FAM20C: variants seen among roughly 807,000 people sequenced by gnomAD.
FAM20C encodes extracellular serine/threonine protein kinase FAM20C.
FAM20C carries 40 observed loss-of-function variants against 51.5 expected under a neutral mutation model. The observed-to-expected ratio is 0.78, with a 90% CI of 0.60 to 1.01. The LOEUF is 1.01. FAM20C is among the 50% of genes least tolerant of loss of function. FAM20C has a pLI of 0.00. For synonymous variants in FAM20C, 406 were observed against 380.6 expected, an observed-to-expected ratio of 1.07 and a Z score of -0.78; for missense variants, 861 against 844.7, an observed-to-expected ratio of 1.02 and a Z score of -0.24.
intron 3 of FAM20C, among the ~76,000 whole-genome samples, chr7:223,007 C>T (rs1583308145): frequency 6.6e-6 from 1 of 151,040 alleles, no homozygotes; most frequent in African/African-American, 2.4e-5. Flanking sequence ...GTGTGGGCAT[C>T]TGTACGTGTG....
intron 2 of FAM20C, among the ~76,000 whole-genome samples, chr7:199,434 G>A (rs1786030504): frequency 6.6e-6 from 1 of 152,260 alleles, no homozygotes; most frequent in South Asian, 2.1e-4. Context: ...TCCGAGATTA[G>A]CACCTGCGTG....
chr7:199,038 G>A (rs1340722831), intron 2 of FAM20C, among the ~76,000 whole-genome samples: 1 of 152,240 alleles, frequency 6.6e-6, no homozygotes, highest in Admixed American at 6.5e-5. Context: ...GCTGCTCCAT[G>A]TCCAGGTCCA....
chr7:206,306 G>A (rs910167315), intron 2 of FAM20C, among the ~76,000 whole-genome samples: 1 of 152,160 alleles, frequency 6.6e-6, no homozygotes, highest in Admixed American at 6.5e-5. Flanking sequence ...AGTGTCCACC[G>A]TTGGCTCCAG....
In FAM20C at chr7:223,685, G is replaced by A. The variant is rs560743223; in HGVS notation, c.863+14709G>A. The stretch of plus-strand genomic sequence containing the variant: ...GGGTCAGCCTGCAGCTGCAGTCACA[G>A]GGAGGGGCCCTTACGCGGATGCCGC... On this transcript the variant is annotated intron_variant, in intron 3 of 9. Coordinates refer to ENST00000313766, the MANE Select transcript of FAM20C (RefSeq NM_020223.4). Among the ~76,000 whole-genome samples, 12 of 152,380 alleles carry A rather than the reference G, an allele frequency of 7.9e-5. No individual in the cohort carries two copies. The South Asian group carries it at 1.2e-3, about 16-fold the overall frequency.
In FAM20C at chr7:259,857, G is replaced by A; in HGVS notation, c.1632G>A (p.Glu544=). 6.5e-7 allele frequency: 1 copy of A among 1,536,474 alleles called. No homozygotes were observed. The highest frequency in any genetic ancestry group is 1.4e-5 in the African/African-American group (1 of 73,184). Residue 544 remains glutamate, a synonymous_variant, in exon 10 of 10, where the codon GAG becomes GAA. Transcript: ENST00000313766. ...CCGTGCTGTACCAGCCGCACCTGGA[G>A]GCCCTGGACCGGCGGCTCCGCGTCG... ...VAPVLYQPHL[E]ALDRRLRVVL...
intron 3 of FAM20C, among the ~76,000 whole-genome samples, chr7:240,608 A>G (rs1401759673): frequency 6.6e-6 from 1 of 152,088 alleles, no homozygotes; most frequent in African/African-American, 2.4e-5. Context: ...CTGCAGATAG[A>G]TCTAGACTTC....
intron 3 of FAM20C, among the ~76,000 whole-genome samples, chr7:230,316 G>A (rs1053277359): frequency 4.2e-5 from 6 of 143,126 alleles, no homozygotes; most frequent in African/African-American, 1.0e-4. Flanking sequence ...GAGTCTCCAC[G>A]GGGAGCTCAG....
At chr7:240,651 T>C (rs1787918414) in intron 3 of FAM20C, among the ~76,000 whole-genome samples, 1 of 152,190 alleles carries the variant, frequency 6.6e-6, no homozygotes, top group Non-Finnish European at 1.5e-5. Flanking sequence ...TCCTCATTCA[T>C]TCATTTGTTT....
intron 3 of FAM20C, among the ~76,000 whole-genome samples, chr7:244,101 A>AT (rs1208221849): frequency 6.6e-6 from 1 of 151,748 alleles, no homozygotes; most frequent in African/African-American, 2.4e-5. Flanking sequence ...CGCCCAGCTG[A>AT]TTTTTTTATT....
rs1257732346 is a variant in FAM20C at position 193,192 on chromosome 7, G to A, written c.-8G>A. On this transcript the variant is annotated 5_prime_UTR_variant, in exon 1 of 10. Coordinates refer to ENST00000313766, the MANE Select transcript of FAM20C (RefSeq NM_020223.4). ...ACGCGCTCCAGGCCCGGGCCGGCCCGCGCGGCCATGAAGATGATGCTGGTG... is the reference window on the plus strand; with the variant it reads ...ACGCGCTCCAGGCCCGGGCCGGCCCACGCGGCCATGAAGATGATGCTGGTG... The A allele has an allele frequency of 2.1e-6, 3 of 1,452,276 alleles. No homozygotes were observed. Among genetic ancestry groups the A allele is most frequent in the South Asian group, 1.2e-5 (1 of 81,518 alleles). The allele number at this position is 1,452,276 out of a possible 1,614,324, so 90.0% of individuals were successfully genotyped here.
At chr7:246,572 C>A in intron 4 of FAM20C, 65 bp downstream of exon 4, 1 of 1,221,034 alleles carries the variant, frequency 8.2e-7, no homozygotes, top group Non-Finnish European at 1.1e-6. Context: ...TGAGTGAGGC[C>A]GTCCTGCACT....
chr7:213,314 T>A (rs1339887542), intron 3 of FAM20C, among the ~76,000 whole-genome samples: 1 of 152,120 alleles, frequency 6.6e-6, no homozygotes, highest in Non-Finnish European at 1.5e-5. Flanking sequence ...TGGTCCTTTG[T>A]GAGTGACACG....
At chr7:244,391 AC>A (rs759008198) in intron 3 of FAM20C, among the ~76,000 whole-genome samples, 2 of 151,902 alleles carry the variant, frequency 1.3e-5, no homozygotes, top group Non-Finnish European at 2.9e-5. Flanking sequence ...AGAATTTACC[AC>A]CCCTGGAACT....
chr7:248,538 A>G (rs1788266916), intron 5 of FAM20C, 108 bp downstream of exon 5: 2 of 714,800 alleles, frequency 2.8e-6, no homozygotes, highest in Non-Finnish European at 4.6e-6. Context: ...TCATCTCGCC[A>G]GGTAGCCTGG....
At chr7:220,977 A>G in intron 3 of FAM20C, among the ~76,000 whole-genome samples, 1 of 133,816 alleles carries the variant, frequency 7.5e-6, no homozygotes, top group Non-Finnish European at 1.7e-5. Context: ...CACAGGGCGG[A>G]GGCTCGTCTC....
chr7:210,682 G>A (rs1273935209), intron 3 of FAM20C, among the ~76,000 whole-genome samples: 1 of 152,126 alleles, frequency 6.6e-6, no homozygotes, highest in Non-Finnish European at 1.5e-5. Context: ...GTCACGCCGA[G>A]CTACGGGACC....
intron 3 of FAM20C, among the ~76,000 whole-genome samples, chr7:218,592 A>G (rs1215798598): frequency 2.6e-5 from 4 of 151,900 alleles, no homozygotes; most frequent in Admixed American, 1.3e-4. Context: ...CGGCCTCACC[A>G]CCGCTCTGAC....
chr7:214,779 C>T lies in FAM20C; in HGVS notation c.863+5803C>T, dbSNP rs543046928. ...GGGGGACTGAGCATGGGTTTGAGTC[C>T]GGTGGACGCACCCAGCAGGCTGTTG... On this transcript the variant is annotated intron_variant, in intron 3 of 9. Coordinates refer to ENST00000313766, the MANE Select transcript of FAM20C (RefSeq NM_020223.4). Among the ~76,000 whole-genome samples the T allele has an allele frequency of 2.0e-4, 30 of 152,288 alleles. No homozygotes were observed. In the East Asian group the frequency reaches 2.3e-3, roughly 12 times the overall value.
At chr7:225,955 TGC>T (rs1190924560) in intron 3 of FAM20C, among the ~76,000 whole-genome samples, 2 of 85,598 alleles carry the variant, frequency 2.3e-5, no homozygotes, top group Non-Finnish European at 5.4e-5. Context: ...CTTCTCTCAT[TGC>T]GCAGAATGGC....
Sources: allele counts gnomAD v4.1 joint callset (sites outside exome capture counted in the v4.1 genomes callset), GRCh38; gene constraint gnomAD v4.1.1; transcripts MANE v1.5; gene names NCBI Gene and HGNC (gene_info 2026-07-23, HGNC 2026-07-21).